ZNF69: variants seen among roughly 807,000 people sequenced by gnomAD.
ZNF69 encodes ZNF3.
In ZNF69, 47 loss-of-function variants were observed where a neutral mutation model predicts 50.9. That is an observed-to-expected ratio of 0.92 (90% CI 0.73 to 1.18). The LOEUF is 1.18. ZNF69 is among the 50% of genes most tolerant of loss of function. ZNF69 has a pLI of 0.00. For synonymous variants in ZNF69, 216 were observed against 223.1 expected, an observed-to-expected ratio of 0.97 and a Z score of 0.29; for missense variants, 717 against 675.1, an observed-to-expected ratio of 1.06 and a Z score of -0.69.
At chr19:11,960,557 G>A in the ZNF69 span, among the ~76,000 whole-genome samples, 1 of 151,784 alleles carries the variant, frequency 6.6e-6, no homozygotes, top group Non-Finnish European at 1.5e-5. Context: ...GCCTCCCAAG[G>A]TGCTAGGATT....
rs1420548420 is a variant in ZNF69, at chr19:11,904,789, G to T, written c.392G>T (p.Cys131Phe). The change falls in exon 4 of 4, where the codon TGT (cysteine) becomes TTT (phenylalanine). Residue 131 changes from cysteine to phenylalanine, a missense_variant. Cys to Phe is a radical substitution (Grantham distance 205). Transcript: ENST00000429654. Reference sequence around the variant, plus strand: ...ATAAAATCATGTGACAGCTTTGTGTGTGGAGAAGTTGGCCTAGGTAACTCA... The same window carrying T: ...ATAAAATCATGTGACAGCTTTGTGTTTGGAGAAGTTGGCCTAGGTAACTCA... ...PEIKSCDSFV[C>F]GEVGLGNSSF... 1 of 1,614,018 alleles carries T rather than the reference G, an allele frequency of 6.2e-7. No individual in the cohort carries two copies. The highest frequency in any genetic ancestry group is 1.7e-5 in the Admixed American group (1 of 60,020).
chr19:11,947,639 G>A, the ZNF69 span: 1 of 1,404,204 alleles, frequency 7.1e-7, no homozygotes, highest in Non-Finnish European at 9.9e-7. Context: ...AGAATATGTT[G>A]AAGAGAAGTA....
the ZNF69 span, chr19:11,948,942 T>A: frequency 6.2e-7 from 1 of 1,608,316 alleles, no homozygotes; most frequent in Non-Finnish European, 8.5e-7. Flanking sequence ...AGAAGCCTTA[T>A]CAATGCAAAG....
At chr19:11,965,254 G>T in the ZNF69 span, 8 of 1,613,132 alleles carry the variant, frequency 5.0e-6, no homozygotes, top group East Asian at 2.2e-5. Context: ...GGTAGAGGCT[G>T]CCTGGAACCG....
intron 1 of ZNF69, among the ~76,000 whole-genome samples, chr19:11,890,945 G>A (rs1365040731): frequency 6.6e-6 from 1 of 152,108 alleles, no homozygotes; most frequent in Non-Finnish European, 1.5e-5. Flanking sequence ...CAGAAAGATA[G>A]CAATGGCCCA....
At chr19:11,969,996 C>G in the ZNF69 span, among the ~76,000 whole-genome samples, 1 of 152,156 alleles carries the variant, frequency 6.6e-6, no homozygotes, top group Non-Finnish European at 1.5e-5. Flanking sequence ...CCTGGAGGGT[C>G]TCATGGGTAT....
At chr19:11,951,275 A>G in the ZNF69 span, among the ~76,000 whole-genome samples, 2 of 145,486 alleles carry the variant, frequency 1.4e-5, no homozygotes, top group Non-Finnish European at 3.0e-5. Flanking sequence ...GTCGCCCAGG[A>G]TAGAGTGCAG....
At chr19:11,897,932 T>C (rs1972163260) in intron 1 of ZNF69, among the ~76,000 whole-genome samples, 1 of 151,642 alleles carries the variant, frequency 6.6e-6, no homozygotes, top group East Asian at 1.9e-4. Context: ...TAGAGTGTGC[T>C]CTTTTAAAAA....
At chr19:11,948,945 A>G in the ZNF69 span, 2 of 1,608,332 alleles carry the variant, frequency 1.2e-6, no homozygotes, top group Non-Finnish European at 1.7e-6. Context: ...AGCCTTATCA[A>G]TGCAAAGAAT....
At chr19:11,911,939 AC>A (rs1184710587) in intron 4 of ZNF69, among the ~76,000 whole-genome samples, 2 of 151,870 alleles carry the variant, frequency 1.3e-5, no homozygotes, top group Non-Finnish European at 2.9e-5. Context: ...CTGGAGAGAA[AC>A]CCTATGAGTG....
chr19:11,957,185 G>A, the ZNF69 span, among the ~76,000 whole-genome samples: 4 of 150,320 alleles, frequency 2.7e-5, no homozygotes, highest in Non-Finnish European at 4.4e-5. Context: ...TCCACCTCCC[G>A]GTTTCATGCC....
the ZNF69 span, among the ~76,000 whole-genome samples, chr19:11,923,444 T>C: frequency 3.3e-5 from 5 of 152,182 alleles, no homozygotes; most frequent in Non-Finnish European, 7.4e-5. Flanking sequence ...CTCCCTGAGT[T>C]TCCTGTCCTG....
At chr19:11,979,868 G>A in the ZNF69 span, 33 of 1,462,994 alleles carry the variant, frequency 2.3e-5, no homozygotes, top group Middle Eastern at 1.7e-4. Context: ...ACAAACACAC[G>A]TAAGAATGCA....
the ZNF69 span, chr19:11,978,757 AC>A: frequency 6.2e-7 from 1 of 1,614,144 alleles, no homozygotes; most frequent in South Asian, 1.1e-5. Context: ...AAAAGAACCC[AC>A]ACTGGGGGAA....
intron 1 of ZNF69, among the ~76,000 whole-genome samples, chr19:11,897,588 A>G (rs1292021474): frequency 6.6e-6 from 1 of 150,900 alleles, no homozygotes; most frequent in Admixed American, 6.6e-5. Context: ...AAAAAAAAAA[A>G]AGAGTCAGGT....
intron 1 of ZNF69, among the ~76,000 whole-genome samples, chr19:11,900,796 A>G (rs181632542): frequency 6.6e-6 from 1 of 152,260 alleles, no homozygotes; most frequent in African/African-American, 2.4e-5. Flanking sequence ...CTTTTAACAA[A>G]GTCTTTTCCA....
the ZNF69 span, among the ~76,000 whole-genome samples, chr19:11,921,598 G>C: frequency 1.1e-4 from 16 of 151,974 alleles, no homozygotes; most frequent in Admixed American, 3.9e-4. Flanking sequence ...CCAACTCCCG[G>C]GTTCAAGCGA....
At chr19:11,950,711 A>G in the ZNF69 span, 3 of 211,784 alleles carry the variant, frequency 1.4e-5, no homozygotes, top group African/African-American at 2.4e-5. Flanking sequence ...CTAACATGTT[A>G]TTCTTTTTAA....
the ZNF69 span, among the ~76,000 whole-genome samples, chr19:11,936,147 G>A: frequency 6.6e-6 from 1 of 152,082 alleles, no homozygotes; most frequent in Non-Finnish European, 1.5e-5. Context: ...TTGCTATTGT[G>A]AATAGTGAAT....
Sources: allele counts gnomAD v4.1 joint callset (sites outside exome capture counted in the v4.1 genomes callset), GRCh38; gene constraint gnomAD v4.1.1; transcripts MANE v1.5; gene names NCBI Gene and HGNC (gene_info 2026-07-23, HGNC 2026-07-21).